PDE11A: variants seen among roughly 807,000 people sequenced by gnomAD.
PDE11A encodes the protein dual 3',5'-cyclic-AMP and -GMP phosphodiesterase 11A.
In PDE11A, 100 loss-of-function variants were observed where a neutral mutation model predicts 100.5. The ratio of observed to expected loss-of-function variants is 1.00; its 90% CI spans 0.85 to 1.18. The LOEUF is 1.18. PDE11A is among the 50% of genes most tolerant of loss of function. PDE11A has a pLI of 0.00. For synonymous variants in PDE11A, 381 were observed against 420.8 expected (o/e 0.91, Z 1.16); for missense variants, 1,141 against 1,152.6 (o/e 0.99, Z 0.15).
At chr2:177,899,947 A>G (rs1183079471) in intron 3 of PDE11A, among the ~76,000 whole-genome samples, 2 of 151,758 alleles carry the variant, frequency 1.3e-5, no homozygotes, top group African/African-American at 4.8e-5. Context: ...ACTTAGAAAA[A>G]AATCTTAAGC....
chr2:177,706,682 C>T (rs1189844627), intron 13 of PDE11A, among the ~76,000 whole-genome samples: 7 of 152,170 alleles, frequency 4.6e-5, no homozygotes, highest in Non-Finnish European at 7.3e-5. Flanking sequence ...TGCAGTGCCC[C>T]TGACATCCCA....
At chr2:178,043,363 C>G (rs1289278197) in intron 1 of PDE11A, among the ~76,000 whole-genome samples, 1 of 152,076 alleles carries the variant, frequency 6.6e-6, no homozygotes, top group East Asian at 1.9e-4. Context: ...ATTTGACTAT[C>G]CAGAAAAGAC....
intron 19 of PDE11A, among the ~76,000 whole-genome samples, chr2:177,635,463 C>T (rs1204916279): frequency 1.3e-5 from 2 of 152,196 alleles, no homozygotes; most frequent in Non-Finnish European, 2.9e-5. Flanking sequence ...GGCATCTGGT[C>T]ATCTAGGTGG....
intron 5 of PDE11A, among the ~76,000 whole-genome samples, chr2:177,849,322 G>A (rs978606757): frequency 6.6e-5 from 10 of 152,122 alleles, no homozygotes; most frequent in African/African-American, 2.2e-4. Context: ...GAAGGATGTT[G>A]GTCTAAGCTG....
rs78109180 is a variant in PDE11A at position 177,773,972 on chromosome 2, G to A, written c.1738-4599C>T. On this transcript the variant is annotated intron_variant, in intron 9 of 19. Coordinates refer to ENST00000286063, the MANE Select transcript of PDE11A (RefSeq NM_016953.4). ...TAAGAACTCTGATTTTCTTCTTTAA[G>A]CAGTTCCTTCTGTTTGGTCCCATAG... 3.3e-3 allele frequency among the ~76,000 whole-genome samples: 496 copies of A among 152,256 alleles called. 5 individuals are homozygous for A. In the East Asian group the frequency reaches 0.046, roughly 14 times the overall value.
At chr2:178,042,467 G>T in intron 1 of PDE11A, among the ~76,000 whole-genome samples, 1 of 104,624 alleles carries the variant, frequency 9.6e-6, no homozygotes. Context: ...GACAGAGCAA[G>T]ACTCTGTCTC....
In PDE11A at chr2:177,728,067, T is replaced by A. The variant is rs748751920; in HGVS notation, c.1894A>T (p.Met632Leu). The A allele has an allele frequency of 1.9e-6, 3 of 1,613,074 alleles. No individual in the cohort carries two copies. Among genetic ancestry groups the A allele is most frequent in the South Asian group, 1.1e-5 (1 of 91,072 alleles). ...AMITAALRMF[M>L]ELGMVQKFKI... ...AATTTCTGTACCATCCCCAGCTCCA[T>A]GAACATCCGGAGAGCAGCTGTGATC... The change falls in exon 11 of 20, where the codon ATG becomes TTG. Residue 632 changes from methionine (M) to leucine (L), a missense_variant. By Grantham distance (15) the Met-to-Leu change is conservative (BLOSUM62 2). Coordinates refer to ENST00000286063, the MANE Select transcript of PDE11A (RefSeq NM_016953.4).
upstream of PDE11A, among the ~76,000 whole-genome samples, chr2:178,075,310 TGGGA>T (rs1186709662): frequency 6.6e-6 from 1 of 152,020 alleles, no homozygotes; most frequent in African/African-American, 2.4e-5. Flanking sequence ...CCCAGCACTT[TGGGA>T]GGATGAGGCA....
chr2:177,933,024 A>G (rs958801871), intron 2 of PDE11A, among the ~76,000 whole-genome samples: 2 of 151,982 alleles, frequency 1.3e-5, no homozygotes, highest in African/African-American at 2.4e-5. Context: ...CCAATAATGT[A>G]TAAGCTGAGA....
chr2:177,863,423 A>T lies in PDE11A; in HGVS notation c.1367+12436T>A, dbSNP rs564236424. ...ATGTATTGGGAACAAATATTTGCAA[A>T]CTATATATCTGACAAGGGGTTAACC... On this transcript the variant is annotated intron_variant, in intron 5 of 19. Coordinates refer to ENST00000286063, the MANE Select transcript of PDE11A (RefSeq NM_016953.4). Among the ~76,000 whole-genome samples the T allele has an allele frequency of 3.0e-4, 46 of 152,202 alleles. No individual in the cohort carries two copies. The South Asian group carries it at 8.7e-3, about 29-fold the overall frequency.
intron 12 of PDE11A, among the ~76,000 whole-genome samples, chr2:177,714,195 G>A (rs2081402043): frequency 6.6e-6 from 1 of 151,720 alleles, no homozygotes; most frequent in African/African-American, 2.4e-5. Context: ...GGGTTTCACT[G>A]TGTTAGCCAG....
chr2:177,980,976 AC>A (rs1330990496), intron 2 of PDE11A, among the ~76,000 whole-genome samples: 1 of 772 alleles, frequency 1.3e-3, no homozygotes, highest in Non-Finnish European at 2.6e-3. Flanking sequence ...AGAACTAGAT[AC>A]ACACACACAC....
intron 9 of PDE11A, among the ~76,000 whole-genome samples, chr2:177,797,934 C>T (rs927756605): frequency 3.9e-5 from 6 of 152,198 alleles, no homozygotes; most frequent in Non-Finnish European, 8.8e-5. Context: ...GAAAACACTT[C>T]AATGATTCTC....
At chr2:177,851,874 A>T (rs1837164) in intron 5 of PDE11A, among the ~76,000 whole-genome samples, 82,836 of 151,680 alleles carry the variant, frequency 0.55, 24,635 homozygotes, top group East Asian at 0.74. Flanking sequence ...ACCATTAGTT[A>T]TTTTTCCCAT....
intron 2 of PDE11A, among the ~76,000 whole-genome samples, chr2:177,931,908 T>TAAAA (rs1559012275): frequency 1.8e-5 from 1 of 55,114 alleles, no homozygotes; most frequent in Admixed American, 1.8e-4. Flanking sequence ...CTAGCTAGAT[T>TAAAA]AACAAAAAAA....
chr2:177,759,366 A>C (rs1289347877), intron 10 of PDE11A, among the ~76,000 whole-genome samples: 1 of 152,238 alleles, frequency 6.6e-6, no homozygotes, highest in East Asian at 1.9e-4. Flanking sequence ...TATAGGAAAT[A>C]TTATAAAAAA....
rs185611094 is a variant in PDE11A, at chr2:177,945,508, G to A, written c.1072-40321C>T. Among the ~76,000 whole-genome samples, 496 of 146,396 alleles carry A rather than the reference G, an allele frequency of 3.4e-3. 21 individuals are homozygous for A. The highest frequency in any genetic ancestry group is 0.032 in the Middle Eastern group (9 of 280). On this transcript the variant is annotated intron_variant, in intron 2 of 19. Transcript: ENST00000286063. ...GATGTGAGGAGGCCTCTGCCCGGCC[G>A]AGACCCCGTCTGGGAGGTGAGGAGG...
At chr2:177,729,276 A>C (rs961735720) in intron 10 of PDE11A, among the ~76,000 whole-genome samples, 9 of 152,182 alleles carry the variant, frequency 5.9e-5, no homozygotes, top group African/African-American at 2.2e-4. Flanking sequence ...CTCTTCTCAA[A>C]ATGTTCATAT....
intron 6 of PDE11A, among the ~76,000 whole-genome samples, chr2:177,824,761 CAG>C (rs1193328590): frequency 2.6e-5 from 4 of 152,056 alleles, no homozygotes; most frequent in Non-Finnish European, 5.9e-5. Flanking sequence ...ATTCACATAA[CAG>C]AATATTATGC....
Sources: allele counts gnomAD v4.1 joint callset (sites outside exome capture counted in the v4.1 genomes callset), GRCh38; gene constraint gnomAD v4.1.1; transcripts MANE v1.5; gene names NCBI Gene and HGNC (gene_info 2026-07-23, HGNC 2026-07-21).